The following FIRRM variants were observed in gnomAD, a reference collection of about 807,000 sequenced individuals.
FIRRM encodes FIGNL1 interacting regulator of recombination and mitosis.
At chr1:169,806,125 G>C in the FIRRM span, 1 of 1,192,384 alleles carries the variant, frequency 8.4e-7, no homozygotes. Flanking sequence ...TTTAGAAAAT[G>C]TTTTCCATAT....
At chr1:169,804,966 A>G in the FIRRM span, among the ~76,000 whole-genome samples, 2,890 of 152,340 alleles carry the variant, frequency 0.019, 96 homozygotes, top group African/African-American at 0.065. Context: ...TACAGGCATG[A>G]GCCACCGTGC....
the FIRRM span, among the ~76,000 whole-genome samples, chr1:169,788,766 G>A: frequency 6.6e-6 from 1 of 152,056 alleles, no homozygotes; most frequent in Admixed American, 6.5e-5. Context: ...CTCTGTGAGG[G>A]GTAAAATGCC....
the FIRRM span, among the ~76,000 whole-genome samples, chr1:169,820,989 A>C: frequency 6.6e-6 from 1 of 152,212 alleles, no homozygotes; most frequent in African/African-American, 2.4e-5. Flanking sequence ...CTATGCTAGT[A>C]TTTCTATAGA....
chr1:169,822,921 T>G, the FIRRM span, among the ~76,000 whole-genome samples: 2 of 152,188 alleles, frequency 1.3e-5, no homozygotes, highest in Admixed American at 1.3e-4. Flanking sequence ...AACAATGAGT[T>G]TTTTAGCCTC....
At chr1:169,805,436 T>G in the FIRRM span, among the ~76,000 whole-genome samples, 1 of 152,202 alleles carries the variant, frequency 6.6e-6, no homozygotes, top group Non-Finnish European at 1.5e-5. Context: ...TGTGAGCAGG[T>G]CGCTGTGTGC....
chr1:169,787,090 T>C, the FIRRM span, among the ~76,000 whole-genome samples: 1 of 152,184 alleles, frequency 6.6e-6, no homozygotes, highest in African/African-American at 2.4e-5. Context: ...ACAGAGAACA[T>C]CTAAGGCTCT....
At chr1:169,786,155 G>A in the FIRRM span, among the ~76,000 whole-genome samples, 1 of 152,146 alleles carries the variant, frequency 6.6e-6, no homozygotes, top group Non-Finnish European at 1.5e-5. Flanking sequence ...TTGGGAAAAT[G>A]AAAGCTAGTC....
At chr1:169,829,491 T>G in the FIRRM span, 1 of 1,514,116 alleles carries the variant, frequency 6.6e-7, no homozygotes, top group African/African-American at 1.4e-5. Flanking sequence ...GTTACACTTT[T>G]GCTTTCTCTT....
At chr1:169,803,248 A>G in the FIRRM span, 1 of 1,614,022 alleles carries the variant, frequency 6.2e-7, no homozygotes, top group Middle Eastern at 1.7e-4. Flanking sequence ...ATTTTGGAAA[A>G]TATTCAGAGT....
the FIRRM span, among the ~76,000 whole-genome samples, chr1:169,832,666 C>T: frequency 6.6e-6 from 1 of 151,976 alleles, no homozygotes; most frequent in African/African-American, 2.4e-5. Flanking sequence ...TACAGTGGCT[C>T]GATCACAGCT....
At chr1:169,814,182 T>TAAAA in the FIRRM span, among the ~76,000 whole-genome samples, 1 of 152,226 alleles carries the variant, frequency 6.6e-6, no homozygotes, top group Non-Finnish European at 1.5e-5. Context: ...CAGACTTTTT[T>TAAAA]AAATTGTCAT....
chr1:169,810,202 T>G, the FIRRM span, among the ~76,000 whole-genome samples: 16,060 of 152,190 alleles, frequency 0.11, 1,024 homozygotes, highest in Admixed American at 0.18. Context: ...ACATTGGGTG[T>G]TAGGTGTCTG....
the FIRRM span, among the ~76,000 whole-genome samples, chr1:169,787,985 C>CA: frequency 6.6e-6 from 1 of 152,160 alleles, no homozygotes; most frequent in African/African-American, 2.4e-5. Context: ...GTTGAAAGGG[C>CA]AAGTGGGGCT....
chr1:169,853,929 G>T, the FIRRM span: 1 of 794,920 alleles, frequency 1.3e-6, no homozygotes, highest in African/African-American at 1.8e-5. Context: ...ACAGAAAGTT[G>T]AAAAGTAGGA....
chr1:169,815,943 G>T, the FIRRM span, among the ~76,000 whole-genome samples: 5 of 152,106 alleles, frequency 3.3e-5, no homozygotes, highest in African/African-American at 9.7e-5. Context: ...AACTATTGGG[G>T]TCTCTTATAT....
chr1:169,800,166 T>G, the FIRRM span, among the ~76,000 whole-genome samples: 1 of 152,208 alleles, frequency 6.6e-6, no homozygotes, highest in Non-Finnish European at 1.5e-5. Context: ...TCCAAGTAGC[T>G]GAGACCGCAG....
chr1:169,799,705 C>T, the FIRRM span, among the ~76,000 whole-genome samples: 1 of 152,136 alleles, frequency 6.6e-6, no homozygotes, highest in Non-Finnish European at 1.5e-5. Context: ...GCATGCTTCA[C>T]CACGCCTGGC....
chr1:169,793,997 C>A, the FIRRM span: 1 of 245,408 alleles, frequency 4.1e-6, no homozygotes, highest in East Asian at 8.5e-5. Context: ...CCACCCCTCC[C>A]TGTCCCACCA....
the FIRRM span, chr1:169,849,752 C>T: frequency 1.6e-6 from 1 of 626,738 alleles, no homozygotes; most frequent in Non-Finnish European, 2.8e-6. Flanking sequence ...ATCTCTTTTA[C>T]AGCTTCTCAA....
Sources: allele counts gnomAD v4.1 joint callset (sites outside exome capture counted in the v4.1 genomes callset), GRCh38; gene constraint gnomAD v4.1.1; transcripts MANE v1.5; gene names NCBI Gene and HGNC (gene_info 2026-07-23, HGNC 2026-07-21).